Variants in NUFIP1 observed in about 807,000 individuals in gnomAD.
NUFIP1 encodes nuclear FMR1 interacting protein 1.
Under a neutral mutation model 56.2 loss-of-function variants are expected in NUFIP1, and 38 were observed. The observed-to-expected ratio is 0.68, with a 90% CI of 0.52 to 0.89. The LOEUF (loss-of-function observed/expected upper bound fraction) is 0.89. Among genes scored for constraint, NUFIP1 ranks in the 40% least tolerant of loss-of-function variants. The probability of loss-of-function intolerance (pLI) is 0.00; values close to 1 mark genes in which losing one functional copy is unlikely to be tolerated. For missense variants in NUFIP1, 567 were observed against 605.8 expected (o/e 0.94, Z 0.67); for synonymous variants, 215 against 212.4 (o/e 1.01, Z -0.10).
At chr13:44,978,645 T>G (rs1167244428) in intron 5 of NUFIP1, among the ~76,000 whole-genome samples, 1 of 152,318 alleles carries the variant, frequency 6.6e-6, no homozygotes, top group Middle Eastern at 3.4e-3. Flanking sequence ...ATTCCTGATC[T>G]TCTCATTGTT....
chr13:44,968,406 GAAAA>G (rs11306471), intron 5 of NUFIP1, among the ~76,000 whole-genome samples: 5 of 121,054 alleles, frequency 4.1e-5, no homozygotes, highest in Non-Finnish European at 4.9e-5. Flanking sequence ...ACACTGAGAA[GAAAA>G]AAAAAAAAAA....
intron 5 of NUFIP1, among the ~76,000 whole-genome samples, chr13:44,970,681 G>A (rs970806336): frequency 1.3e-5 from 2 of 151,880 alleles, no homozygotes; most frequent in African/African-American, 4.8e-5. Context: ...TTTTTTGTTT[G>A]TTGTTTTTTT....
chr13:44,980,278 G>A (rs1043102340), intron 3 of NUFIP1, among the ~76,000 whole-genome samples: 1 of 152,164 alleles, frequency 6.6e-6, no homozygotes, highest in African/African-American at 2.4e-5. Context: ...AAAACCAAAG[G>A]CTTCCTTTTA....
chr13:44,981,092 G>C (rs1348994155), intron 2 of NUFIP1, among the ~76,000 whole-genome samples: 1 of 151,938 alleles, frequency 6.6e-6, no homozygotes, highest in Non-Finnish European at 1.5e-5. Context: ...TTGCAAATTG[G>C]TTATCTAATT....
chr13:44,953,970 T>C (rs1871152905), intron 7 of NUFIP1, among the ~76,000 whole-genome samples: 1 of 151,964 alleles, frequency 6.6e-6, no homozygotes, highest in African/African-American at 2.4e-5. Flanking sequence ...ACTGTCCTTT[T>C]GGCACTCTCA....
intron 7 of NUFIP1, among the ~76,000 whole-genome samples, chr13:44,951,900 T>A (rs1278519539): frequency 2.6e-5 from 4 of 152,244 alleles, no homozygotes; most frequent in Admixed American, 2.0e-4. Flanking sequence ...TGGAGGGTAC[T>A]GTCTTGATGT....
intron 7 of NUFIP1, among the ~76,000 whole-genome samples, chr13:44,956,096 A>G (rs967848034): frequency 1.4e-5 from 2 of 142,712 alleles, no homozygotes; most frequent in Non-Finnish European, 3.0e-5. Flanking sequence ...GTGAGCCGAG[A>G]TTGCGCCACT....
At chr13:44,981,300 TCA>T (rs1491087363) in intron 2 of NUFIP1, among the ~76,000 whole-genome samples, 1 of 151,246 alleles carries the variant, frequency 6.6e-6, no homozygotes, top group Admixed American at 6.6e-5. Flanking sequence ...TTGGAAAAAC[TCA>T]CAGATAAACC....
intron 7 of NUFIP1, among the ~76,000 whole-genome samples, chr13:44,956,141 C>CA (rs371458350): frequency 0.11 from 6,692 of 60,536 alleles, 467 homozygotes; most frequent in African/African-American, 0.22. Context: ...GACTCCGTCT[C>CA]AAAAAAAAAA....
chr13:44,972,887 A>G (rs1481269659), intron 5 of NUFIP1, among the ~76,000 whole-genome samples: 1 of 152,222 alleles, frequency 6.6e-6, no homozygotes, highest in Non-Finnish European at 1.5e-5. Context: ...TCAGCCACAT[A>G]TAGCAAAATC....
chr13:44,941,425 A>C, intron 9 of NUFIP1, 103 bp from the exon 10 acceptor site: 1 of 634,888 alleles, frequency 1.6e-6, no homozygotes, highest in Admixed American at 3.1e-5. Context: ...AAGACAGAAC[A>C]ATAAGAAATA....
intron 5 of NUFIP1, among the ~76,000 whole-genome samples, chr13:44,970,659 T>G (rs979533386): frequency 4.6e-5 from 7 of 152,108 alleles, no homozygotes; most frequent in African/African-American, 1.7e-4. Flanking sequence ...AAGTATATTT[T>G]TGTAACAGGG....
chr13:44,977,271 T>C (rs1384900112), intron 5 of NUFIP1, among the ~76,000 whole-genome samples: 2 of 152,248 alleles, frequency 1.3e-5, no homozygotes, highest in Non-Finnish European at 2.9e-5. Context: ...CAATGTAATG[T>C]GACAAATGTA....
intron 3 of NUFIP1, 151 bp downstream of exon 3, chr13:44,980,571 A>C (rs1872152030): frequency 1.6e-6 from 1 of 622,058 alleles, no homozygotes; most frequent in African/African-American, 1.9e-5. Context: ...TTCAAACCCC[A>C]GGGTCACTGC....
At position 44,980,884 on chromosome 13, in the gene NUFIP1, A is replaced by G. The variant is rs934732635; in HGVS notation, c.496-64T>C. On this transcript the variant is annotated intron_variant, in intron 2 of 9. Coordinates refer to ENST00000379161, the MANE Select transcript of NUFIP1 (RefSeq NM_012345.3). ...AAAATCTGTAATCAATAATAAAAAC[A>G]TAACTATCATTCTAGTAATACACAC... The G allele has an allele frequency of 5.9e-6, 6 of 1,017,094 alleles. No homozygotes were observed. The African/African-American group carries it at 9.7e-5, about 16-fold the overall frequency. 63.0% of individuals were successfully genotyped at this position (1,017,094 alleles called of 1,614,324 possible). A position where few individuals can be genotyped will look rare whatever the true frequency, so the allele number is the denominator to read the frequency against.
chr13:44,971,150 A>C (rs763914634), intron 5 of NUFIP1, among the ~76,000 whole-genome samples: 1 of 152,198 alleles, frequency 6.6e-6, no homozygotes, highest in Non-Finnish European at 1.5e-5. Flanking sequence ...CCTGAGAAAC[A>C]AACTATGGAA....
intron 3 of NUFIP1, 113 bp downstream of exon 3, chr13:44,980,609 T>C (rs956078068): frequency 2.6e-6 from 2 of 773,626 alleles, no homozygotes; most frequent in Non-Finnish European, 4.2e-6. Context: ...TCAAACTATA[T>C]CTCTACAGAA....
intron 6 of NUFIP1, among the ~76,000 whole-genome samples, chr13:44,960,784 C>T (rs947336514): frequency 1.3e-5 from 2 of 152,110 alleles, no homozygotes; most frequent in Non-Finnish European, 2.9e-5. Context: ...AAGTATTGGC[C>T]GGGCGCGGTG....
chr13:44,987,748 A>G (rs1432392899), intron 1 of NUFIP1, among the ~76,000 whole-genome samples: 1 of 152,174 alleles, frequency 6.6e-6, no homozygotes, highest in Non-Finnish European at 1.5e-5. Flanking sequence ...AGTAACTACA[A>G]TAGCTTCCTA....
Sources: allele counts gnomAD v4.1 joint callset (sites outside exome capture counted in the v4.1 genomes callset), GRCh38; gene constraint gnomAD v4.1.1; transcripts MANE v1.5; gene names NCBI Gene and HGNC (gene_info 2026-07-23, HGNC 2026-07-21).